USP10: variants seen among roughly 807,000 people sequenced by gnomAD.
USP10 encodes ubiquitin carboxyl-terminal hydrolase 10.
In USP10, 22 loss-of-function variants were observed where a neutral mutation model predicts 84.5. That is an observed-to-expected ratio of 0.26 (90% CI 0.19 to 0.37). The LOEUF (loss-of-function observed/expected upper bound fraction) is 0.37, where lower values mean the gene tolerates loss of function less well. Among genes scored for constraint, USP10 ranks in the 10% least tolerant of loss-of-function variants. The probability of loss-of-function intolerance (pLI) is 1.00; values close to 1 mark genes in which losing one functional copy is unlikely to be tolerated. For synonymous variants in USP10, 454 were observed against 387.6 expected (o/e 1.17, Z -2.01); for missense variants, 1,019 against 998.9 (o/e 1.02, Z -0.27).
chr16:84,703,195 GTTGAAGTGTAGGTCCAAGTGAATATCCTT>G (rs1905110330), intron 1 of USP10, among the ~76,000 whole-genome samples: 1 of 152,162 alleles, frequency 6.6e-6, no homozygotes, highest in Non-Finnish European at 1.5e-5. Context: ...AACTTTAACA[GTTGAAGTGTAGGTCCAAGTGAATATCCTT>G]GTCACTGAGG....
intron 2 of USP10, among the ~76,000 whole-genome samples, chr16:84,736,612 A>G (rs1347758788): frequency 1.3e-5 from 2 of 152,242 alleles, no homozygotes; most frequent in African/African-American, 2.4e-5. Context: ...TCAGAAAGAA[A>G]GAGAAAATGC....
At chr16:84,701,349 A>C (rs1484749199) in intron 1 of USP10, among the ~76,000 whole-genome samples, 1 of 152,134 alleles carries the variant, frequency 6.6e-6, no homozygotes, top group Non-Finnish European at 1.5e-5. Context: ...TCCCTTATTC[A>C]TTTACTTTTG....
intron 1 of USP10, among the ~76,000 whole-genome samples, chr16:84,728,464 C>G (rs746668656): frequency 6.6e-6 from 1 of 151,950 alleles, no homozygotes; most frequent in African/African-American, 2.4e-5. Flanking sequence ...CTCAGCCTCC[C>G]GGGTAGCTGG....
At chr16:84,750,769 T>C (rs1716811608) in intron 4 of USP10, among the ~76,000 whole-genome samples, 1 of 152,154 alleles carries the variant, frequency 6.6e-6, no homozygotes, top group Non-Finnish European at 1.5e-5. Flanking sequence ...GTAAGAAGAG[T>C]GGCCAACTGC....
chr16:84,731,527 A>T (rs748688864), intron 1 of USP10, among the ~76,000 whole-genome samples: 1 of 151,964 alleles, frequency 6.6e-6, no homozygotes, highest in Non-Finnish European at 1.5e-5. Context: ...TCCCCCCAAG[A>T]AAAAGGTGTA....
chr16:84,703,070 C>G lies in USP10; in HGVS notation c.21+2959C>G, dbSNP rs574495039. Among the ~76,000 whole-genome samples the G allele has an allele frequency of 9.9e-5, 15 of 150,772 alleles. No homozygotes were observed. The South Asian group carries it at 2.7e-3, about 27-fold the overall frequency. On this transcript the variant is annotated intron_variant, in intron 1 of 13. Transcript: ENST00000219473. ...AGTTTATAGGTTAATAACCTTATTT[C>G]CAAATATTAGAAAGTGTTGGTTGAT... is the stretch of plus-strand genomic sequence containing the variant.
At chr16:84,777,244 G>C (rs1915117038) in intron 13 of USP10, among the ~76,000 whole-genome samples, 1 of 152,214 alleles carries the variant, frequency 6.6e-6, no homozygotes, top group African/African-American at 2.4e-5. Context: ...CTGGGCTGCT[G>C]CTTATGAAAC....
intron 4 of USP10, among the ~76,000 whole-genome samples, chr16:84,751,255 C>G (rs1430807612): frequency 6.6e-6 from 1 of 152,194 alleles, no homozygotes. Flanking sequence ...CATGTGATCC[C>G]ACAATGACAA....
intron 1 of USP10, among the ~76,000 whole-genome samples, chr16:84,725,895 A>C (rs1015225974): frequency 1.3e-5 from 2 of 152,218 alleles, no homozygotes; most frequent in Non-Finnish European, 2.9e-5. Flanking sequence ...TATTTGGATC[A>C]GGAGAAGAGG....
chr16:84,762,978 G>C lies in USP10; in HGVS notation c.1555-11G>C. The C allele has an allele frequency of 2.5e-6, 4 of 1,582,118 alleles. No individual in the cohort carries two copies. The highest frequency in any genetic ancestry group is 3.5e-6 in the Non-Finnish European group (4 of 1,153,228). On this transcript the variant is annotated splice_polypyrimidine_tract_variant and intron_variant, in intron 8 of 13. Coordinates refer to ENST00000219473, the MANE Select transcript of USP10 (RefSeq NM_005153.3). Reference sequence around the variant, plus strand: ...AGTTCACAGTAACGTGATTATATTTGACCTTTTCAGGGTCGACAAGAAGAT... The same window carrying C: ...AGTTCACAGTAACGTGATTATATTTCACCTTTTCAGGGTCGACAAGAAGAT...
At chr16:84,713,545 G>A (rs1289805280) in intron 1 of USP10, among the ~76,000 whole-genome samples, 1 of 152,166 alleles carries the variant, frequency 6.6e-6, no homozygotes. Context: ...TAAGCTCCGT[G>A]AGGGCAGGGG....
Position 84,754,893 on chromosome 16 carries a change from C to G in USP10, c.1193-3823C>G, listed in dbSNP as rs967454184. Among the ~76,000 whole-genome samples the G allele has an allele frequency of 2.6e-5, 4 of 152,084 alleles. No homozygotes were observed. In the South Asian group the frequency reaches 8.3e-4, roughly 32 times the overall value. On this transcript the variant is annotated intron_variant, in intron 4 of 13. Coordinates refer to ENST00000219473, the MANE Select transcript of USP10 (RefSeq NM_005153.3). Reference sequence around the variant, plus strand: ...CAGTGGCTCACACCTGTAATCCCAGCACTTTGGGAATCCAAGGCAGGCGGA... The same window carrying G: ...CAGTGGCTCACACCTGTAATCCCAGGACTTTGGGAATCCAAGGCAGGCGGA...
At chr16:84,762,870 A>AAATACTTTACATCTTCC (rs1486132680) in intron 8 of USP10, 119 bp from the exon 9 acceptor site, 1 of 575,154 alleles carries the variant, frequency 1.7e-6, no homozygotes, top group Non-Finnish European at 3.1e-6. Flanking sequence ...CATTGTTTGG[A>AAATACTTTACATCTTCC]AATACTTTAC....
At chr16:84,722,828 T>A (rs1907982893) in intron 1 of USP10, among the ~76,000 whole-genome samples, 1 of 152,188 alleles carries the variant, frequency 6.6e-6, no homozygotes, top group Admixed American at 6.5e-5. Context: ...AGTGCTGGGA[T>A]TACAGGTGTG....
intron 11 of USP10, among the ~76,000 whole-genome samples, chr16:84,770,633 A>T (rs909848852): frequency 6.6e-6 from 1 of 151,716 alleles, no homozygotes; most frequent in African/African-American, 2.4e-5. Flanking sequence ...TTAGCCGGGC[A>T]TGGTGGCAGG....
At position 84,748,153 on chromosome 16, in the gene USP10, CAAAAAAAAAAAAA is replaced by C. The variant is rs1169089505; in HGVS notation, c.1192+2492_1192+2504del. 5.9e-4 allele frequency among the ~76,000 whole-genome samples: 30 copies of C among 51,166 alleles called. No homozygotes were observed. The East Asian group carries it at 0.019, about 33-fold the overall frequency. The allele number at this position is 51,166 out of a possible 152,430, so 33.6% of individuals were successfully genotyped here. ...TGGGCGACAGAGCCAGACTCCATCT[CAAAAAAAAAAAAA>C]AAAAAAAAAAAGATAGATTGTGTAA... On this transcript the variant is annotated intron_variant, in intron 4 of 13. Transcript: ENST00000219473.
chr16:84,729,492 A>G (rs532467428), intron 1 of USP10, among the ~76,000 whole-genome samples: 1 of 152,324 alleles, frequency 6.6e-6, no homozygotes, highest in South Asian at 2.1e-4. Context: ...GTATTGACAC[A>G]TAGGAAAAAG....
Position 84,744,832 on chromosome 16 carries a change from C to T in USP10, c.351C>T (p.Tyr117=). ...GCTATGGCTCCATCGACTGCCAGTA[C>T]CCAGGCTCTGCCCTCGCTTTGGATG... ...EASYGSIDCQ[Y]PGSALALDGS... Residue 117 remains tyrosine, a synonymous_variant, in exon 4 of 14, where the codon TAC becomes TAT. Coordinates refer to ENST00000219473, the MANE Select transcript of USP10 (RefSeq NM_005153.3). The T allele has an allele frequency of 1.2e-6, 2 of 1,613,680 alleles. No individual in the cohort carries two copies. Among genetic ancestry groups the T allele is most frequent in the Non-Finnish European group, 1.7e-6 (2 of 1,179,708 alleles).
intron 1 of USP10, 40 bp downstream of exon 1, chr16:84,700,151 G>T: frequency 8.0e-7 from 1 of 1,244,576 alleles, no homozygotes; most frequent in South Asian, 2.1e-5. Flanking sequence ...AGGGGCCCGA[G>T]CCCCGGGCGG....
Sources: allele counts gnomAD v4.1 joint callset (sites outside exome capture counted in the v4.1 genomes callset), GRCh38; gene constraint gnomAD v4.1.1; transcripts MANE v1.5; gene names NCBI Gene and HGNC (gene_info 2026-07-23, HGNC 2026-07-21).